Variants in GRM1 observed in about 807,000 individuals in gnomAD.
GRM1 encodes the protein glutamate metabotropic receptor 1, also known as metabotropic glutamate receptor 1.
GRM1 carries 33 observed loss-of-function variants against 90.9 expected under a neutral mutation model. That is an observed-to-expected ratio of 0.36 (90% CI 0.28 to 0.49). GRM1 has a LOEUF of 0.49. Ranked by LOEUF, GRM1 falls within the 20% of genes least tolerant of loss-of-function variation. The pLI is 0.99. For synonymous variants in GRM1, 700 were observed against 613.2 expected, an observed-to-expected ratio of 1.14 and a Z score of -2.09; for missense variants, 1,190 against 1,534.3, an observed-to-expected ratio of 0.78 and a Z score of 3.75.
intron 5 of GRM1, among the ~76,000 whole-genome samples, chr6:146,376,985 CTT>C (rs985291447): frequency 2.0e-5 from 3 of 152,136 alleles, no homozygotes; most frequent in African/African-American, 7.2e-5. Flanking sequence ...TGCTCTCTCT[CTT>C]GCCTGTCACC....
chr6:146,419,910 C>T (rs541630643), intron 7 of GRM1, among the ~76,000 whole-genome samples: 1 of 152,250 alleles, frequency 6.6e-6, no homozygotes, highest in African/African-American at 2.4e-5. Flanking sequence ...GACAGAGAGC[C>T]AAACCATATT....
In GRM1 at chr6:146,310,188, C is replaced by T. The variant is rs145276222; in HGVS notation, c.1186+5342C>T. On this transcript the variant is annotated intron_variant, in intron 3 of 7. Coordinates refer to ENST00000282753, the MANE Select transcript of GRM1 (RefSeq NM_001278064.2). ...TTTAAGACTTTGAAGCAAGGGGACT[C>T]TTACTCCAATAGTTTGGAGGCTGCC... Among the ~76,000 whole-genome samples, 442 of 152,346 alleles carry T rather than the reference C, an allele frequency of 2.9e-3. 2 individuals are homozygous for T. Among genetic ancestry groups the T allele is most frequent in the African/African-American group, 9.7e-3 (402 of 41,578 alleles).
chr6:146,351,337 A>G (rs911802903), intron 3 of GRM1, among the ~76,000 whole-genome samples: 2 of 152,220 alleles, frequency 1.3e-5, no homozygotes, highest in African/African-American at 4.8e-5. Flanking sequence ...AGCAAATTTC[A>G]GGAACCAACT....
At chr6:146,056,621 A>G (rs369161435) in intron 1 of GRM1, among the ~76,000 whole-genome samples, 9 of 152,196 alleles carry the variant, frequency 5.9e-5, no homozygotes, top group African/African-American at 1.7e-4. Context: ...GGGCCTTCTC[A>G]TTTTTAAAAT....
chr6:146,371,191 C>T (rs971879277), intron 5 of GRM1, among the ~76,000 whole-genome samples: 6 of 152,104 alleles, frequency 3.9e-5, no homozygotes, highest in South Asian at 4.1e-4. Flanking sequence ...TGGGGAAAAA[C>T]GGATCAGTAA....
chr6:146,322,566 C>T (rs1285864214), intron 3 of GRM1, among the ~76,000 whole-genome samples: 1 of 118,088 alleles, frequency 8.5e-6, no homozygotes, highest in African/African-American at 5.4e-5. Flanking sequence ...ACTGGGGCTG[C>T]TGCCTTTCTT....
chr6:146,169,385 T>C (rs1171978089), intron 2 of GRM1, among the ~76,000 whole-genome samples: 1 of 152,206 alleles, frequency 6.6e-6, no homozygotes, highest in East Asian at 1.9e-4. Context: ...CCAGGCAGGC[T>C]TTCCACTGCA....
At chr6:146,082,684 C>T (rs1776404199) in intron 1 of GRM1, among the ~76,000 whole-genome samples, 1 of 152,164 alleles carries the variant, frequency 6.6e-6, no homozygotes, top group African/African-American at 2.4e-5. Flanking sequence ...TCATTTTTTA[C>T]CGAATTGCTC....
At chr6:146,047,681 CTT>C (rs1470191256) in intron 1 of GRM1, among the ~76,000 whole-genome samples, 1 of 151,786 alleles carries the variant, frequency 6.6e-6, no homozygotes, top group East Asian at 1.9e-4. Flanking sequence ...GCACAGATAA[CTT>C]TGCTTCACTT....
At chr6:146,292,865 CA>C (rs1186695629) in intron 2 of GRM1, among the ~76,000 whole-genome samples, 1 of 151,834 alleles carries the variant, frequency 6.6e-6, no homozygotes, top group African/African-American at 2.4e-5. Flanking sequence ...GGAAACAACC[CA>C]AAAGCTCATC....
chr6:146,140,157 CTCCT>C lies in GRM1; in HGVS notation c.701-19172_701-19169del, dbSNP rs1206596762. Among the ~76,000 whole-genome samples the C allele has an allele frequency of 2.6e-3, 285 of 110,280 alleles. 2 individuals carry two copies. Among genetic ancestry groups the C allele is most frequent in the East Asian group, 0.013 (52 of 3,898 alleles). 72.3% of individuals were successfully genotyped at this position (110,280 alleles called of 152,430 possible). ...TCTTTCTTTCCTTCCTTCCTTCTTTCTCCTTCCTTCCTTCCTTCCTTCTTTCCTG... is the reference window on the plus strand; with the variant it reads ...TCTTTCTTTCCTTCCTTCCTTCTTTCTCCTTCCTTCCTTCCTTCTTTCCTG... On this transcript the variant is annotated intron_variant, in intron 1 of 7. Transcript: ENST00000282753.
chr6:146,347,632 TA>T (rs948265835), intron 3 of GRM1, among the ~76,000 whole-genome samples: 1 of 151,878 alleles, frequency 6.6e-6, no homozygotes, highest in African/African-American at 2.4e-5. Context: ...CACTGAAAGA[TA>T]AAAAAAATTG....
At chr6:146,067,620 A>G (rs1410006902) in intron 1 of GRM1, among the ~76,000 whole-genome samples, 1 of 152,152 alleles carries the variant, frequency 6.6e-6, no homozygotes, top group African/African-American at 2.4e-5. Context: ...TATTAAAATG[A>G]TTTCAAAATA....
At chr6:146,262,318 C>A (rs1221630089) in intron 2 of GRM1, among the ~76,000 whole-genome samples, 3 of 151,974 alleles carry the variant, frequency 2.0e-5, no homozygotes, top group Non-Finnish European at 4.4e-5. Flanking sequence ...TAAACATATT[C>A]GCCATCTGAC....
chr6:146,360,249 A>G (rs1379297675), intron 5 of GRM1, among the ~76,000 whole-genome samples: 1 of 152,078 alleles, frequency 6.6e-6, no homozygotes, highest in East Asian at 1.9e-4. Flanking sequence ...AACCCACAGA[A>G]CTTTCTTAAG....
intron 2 of GRM1, among the ~76,000 whole-genome samples, chr6:146,274,873 A>T (rs1782296297): frequency 6.6e-6 from 1 of 152,042 alleles, no homozygotes; most frequent in Non-Finnish European, 1.5e-5. Flanking sequence ...CACTTAGCTA[A>T]CTAAAAATTA....
chr6:146,140,090 A>ATTCTTTGT (rs1554272172), intron 1 of GRM1, among the ~76,000 whole-genome samples: 1 of 57,838 alleles, frequency 1.7e-5, no homozygotes, highest in Non-Finnish European at 3.1e-5. Flanking sequence ...TTCTTTCTTT[A>ATTCTTTGT]TTCTTTCTTT....
chr6:146,231,601 T>C (rs1780452504), intron 2 of GRM1, among the ~76,000 whole-genome samples: 1 of 152,150 alleles, frequency 6.6e-6, no homozygotes, highest in Non-Finnish European at 1.5e-5. Flanking sequence ...TGTCATATAC[T>C]ATATCAGGTT....
rs762896993 is a variant in GRM1, at chr6:146,030,087, C to A, written c.570C>A (p.Ile190=). 5.6e-6 allele frequency: 9 copies of A among 1,614,028 alleles called. No individual in the cohort carries two copies. In the East Asian group the frequency reaches 2.0e-4, roughly 36 times the overall value. Residue 190 remains isoleucine, a synonymous_variant, in exon 1 of 8, where the codon ATC becomes ATA. Transcript: ENST00000282753. ...AGATCGCTTATTCAGCCACAAGCAT[C>A]GACCTGAGTGACAAAACTTTGTACA... The part of the protein sequence containing the change: ...IPQIAYSATS[I]DLSDKTLYKY...
Sources: gnomAD v4.1 joint callset for allele counts (sites outside exome capture counted in the v4.1 genomes callset) on GRCh38, gnomAD v4.1.1 for gene constraint, MANE v1.5 for transcripts, NCBI Gene and HGNC (gene_info 2026-07-23, HGNC 2026-07-21) for gene names.